RBBP8: variants seen among roughly 807,000 people sequenced by gnomAD.
RBBP8 encodes DNA endonuclease RBBP8.
A neutral mutation model predicts 108.3 loss-of-function variants in RBBP8; 88 were observed. The ratio of observed to expected loss-of-function variants is 0.81; its 90% CI spans 0.68 to 0.97. The LOEUF is 0.97. Among genes scored for constraint, RBBP8 ranks in the 50% least tolerant of loss-of-function variants. The probability of loss-of-function intolerance (pLI) is 0.00; values close to 1 mark genes in which losing one functional copy is unlikely to be tolerated. For missense variants in RBBP8, 1,023 were observed against 1,049.0 expected (o/e 0.98, Z 0.34); for synonymous variants, 332 against 348.2 (o/e 0.95, Z 0.52).
At chr18:22,989,142 C>T (rs1915517567) in intron 8 of RBBP8, 79 bp from the exon 9 acceptor site, 1 of 1,003,512 alleles carries the variant, frequency 1.0e-6, no homozygotes, top group East Asian at 2.8e-5. Context: ...CATCTTTTGT[C>T]ATTTTAATGT....
At chr18:22,932,381 A>G, upstream of RBBP8, among the ~76,000 whole-genome samples, 1 of 152,296 alleles carries the variant, frequency 6.6e-6, no homozygotes, top group Non-Finnish European at 1.5e-5. Context: ...TGTGGAGTTA[A>G]GTCTTATAAA....
intron 18 of RBBP8, among the ~76,000 whole-genome samples, chr18:23,022,613 A>AAAAT (rs1568009857): frequency 2.2e-5 from 2 of 88,934 alleles, no homozygotes; most frequent in African/African-American, 3.1e-5. Context: ...AAAATAAAAT[A>AAAAT]AAATAAAATA....
intron 5 of RBBP8, among the ~76,000 whole-genome samples, chr18:22,969,271 A>T (rs1913887308): frequency 6.6e-6 from 1 of 151,912 alleles, no homozygotes; most frequent in Non-Finnish European, 1.5e-5. Context: ...CAAAGCAGAC[A>T]ATTTATTGTT....
intron 18 of RBBP8, among the ~76,000 whole-genome samples, chr18:23,022,896 A>C (rs866223765): frequency 8.5e-6 from 1 of 117,274 alleles, no homozygotes; most frequent in South Asian, 3.2e-4. Context: ...CTTTTATTCT[A>C]TCATCAAAAT....
At chr18:23,013,409 C>T (rs1420972186) in intron 16 of RBBP8, among the ~76,000 whole-genome samples, 1 of 152,078 alleles carries the variant, frequency 6.6e-6, no homozygotes, top group Non-Finnish European at 1.5e-5. Flanking sequence ...TCAATTGAAC[C>T]AGTTTTTTGG....
chr18:22,977,773 T>C (rs1914594355), intron 6 of RBBP8: 1 of 152,170 alleles, frequency 6.6e-6, no homozygotes, highest in East Asian at 1.9e-4. Flanking sequence ...TATTTCTTGA[T>C]TATGACTGCC....
chr18:23,008,059 G>A (rs893814351), intron 16 of RBBP8, among the ~76,000 whole-genome samples: 12 of 152,042 alleles, frequency 7.9e-5, no homozygotes, highest in East Asian at 1.9e-4. Flanking sequence ...TGATCCACCC[G>A]CCTCGGCCTC....
intron 3 of RBBP8, among the ~76,000 whole-genome samples, chr18:22,924,052 A>C (rs572176152): frequency 6.6e-6 from 1 of 152,230 alleles, no homozygotes; most frequent in Admixed American, 6.5e-5. Flanking sequence ...GAGGCTAATT[A>C]AATTACAATC....
intron 5 of RBBP8, among the ~76,000 whole-genome samples, chr18:22,974,648 C>CG (rs924188344): frequency 9.2e-5 from 14 of 152,162 alleles, no homozygotes; most frequent in African/African-American, 3.4e-4. Flanking sequence ...TTAGTGGAGA[C>CG]GGGGTTTCAC....
intron 6 of RBBP8, 131 bp downstream of exon 6, chr18:22,975,350 CA>C: frequency 7.4e-7 from 1 of 1,357,572 alleles, no homozygotes; most frequent in South Asian, 1.4e-5. Flanking sequence ...CAAAGAAAAT[CA>C]CTACATTTTT....
At chr18:23,006,081 G>C (rs545778461) in intron 15 of RBBP8, among the ~76,000 whole-genome samples, 1 of 151,974 alleles carries the variant, frequency 6.6e-6, no homozygotes, top group Non-Finnish European at 1.5e-5. Context: ...AACTACTCAG[G>C]AGGCTGAGGC....
intron 5 of RBBP8, among the ~76,000 whole-genome samples, chr18:22,974,270 T>C (rs1914338978): frequency 6.6e-6 from 1 of 152,184 alleles, no homozygotes. Context: ...GGATTTCTGC[T>C]TTACAAATTA....
intron 2 of RBBP8, 179 bp from the exon 3 acceptor site, chr18:22,946,265 A>G (rs1050191768): frequency 1.1e-5 from 8 of 712,758 alleles, no homozygotes; most frequent in Middle Eastern, 2.5e-4. Context: ...ATGATAGACT[A>G]AAAGCAATAC....
At chr18:22,955,679 G>A (rs551228521) in intron 4 of RBBP8, among the ~76,000 whole-genome samples, 11 of 151,268 alleles carry the variant, frequency 7.3e-5, no homozygotes, top group South Asian at 6.3e-4. Flanking sequence ...CCAGGTTCAC[G>A]CCATTCTCCT....
intron 2 of RBBP8, among the ~76,000 whole-genome samples, chr18:22,940,777 G>A (rs1377345574): frequency 1.3e-5 from 2 of 151,912 alleles, no homozygotes; most frequent in African/African-American, 4.8e-5. Context: ...CTTCAGAGTA[G>A]CTAGGACTAC....
At chr18:22,979,520 A>G (rs1271832085) in intron 6 of RBBP8, among the ~76,000 whole-genome samples, 1 of 152,210 alleles carries the variant, frequency 6.6e-6, no homozygotes, top group Non-Finnish European at 1.5e-5. Flanking sequence ...GTCATAGTTC[A>G]TACAGTTCTC....
At chr18:23,004,038 C>A (rs2045993044) in intron 15 of RBBP8, among the ~76,000 whole-genome samples, 1 of 114,392 alleles carries the variant, frequency 8.7e-6, no homozygotes, top group Non-Finnish European at 1.7e-5. Context: ...GCCTGGGCAA[C>A]AGCGCAAGAC....
intron 2 of RBBP8, chr18:22,915,493 G>C (rs1909320084): frequency 6.6e-6 from 1 of 152,134 alleles, no homozygotes; most frequent in African/African-American, 2.4e-5. Flanking sequence ...CAGGTAAACT[G>C]CTGAAAAGCT....
intron 2 of RBBP8, among the ~76,000 whole-genome samples, chr18:22,942,387 G>A (rs1911167920): frequency 6.6e-6 from 1 of 152,062 alleles, no homozygotes; most frequent in Admixed American, 6.6e-5. Flanking sequence ...AAATATGACA[G>A]TATGTGCACT....
Sources: allele counts gnomAD v4.1 joint callset (sites outside exome capture counted in the v4.1 genomes callset), GRCh38; gene constraint gnomAD v4.1.1; transcripts MANE v1.5; gene names NCBI Gene and HGNC (gene_info 2026-07-23, HGNC 2026-07-21).